ADAMTS17: variants seen among roughly 807,000 people sequenced by gnomAD.
ADAMTS17 encodes the protein ADAM metallopeptidase with thrombospondin type 1 motif 17.
A neutral mutation model predicts 141.5 loss-of-function variants in ADAMTS17; 113 were observed. That is an observed-to-expected ratio of 0.80 (90% CI 0.69 to 0.93). The LOEUF is 0.93. ADAMTS17 is among the 40% of genes least tolerant of loss of function. ADAMTS17 has a pLI of 0.00. For missense variants in ADAMTS17, 1,659 were observed against 1,517.9 expected, an observed-to-expected ratio of 1.09 and a Z score of -1.54; for synonymous variants, 768 against 630.6, an observed-to-expected ratio of 1.22 and a Z score of -3.27.
intron 7 of ADAMTS17, among the ~76,000 whole-genome samples, chr15:100,206,391 G>A (rs2041563135): frequency 6.6e-6 from 1 of 152,168 alleles, no homozygotes; most frequent in Non-Finnish European, 1.5e-5. Flanking sequence ...GCAGCATGAG[G>A]GTGATGCCCA....
chr15:100,145,612 C>T (rs920135184), intron 10 of ADAMTS17, among the ~76,000 whole-genome samples: 2 of 152,114 alleles, frequency 1.3e-5, no homozygotes, highest in African/African-American at 4.8e-5. Flanking sequence ...CTCACGAAGA[C>T]ACACATCTAA....
At chr15:100,270,051 A>G (rs2043850703) in intron 4 of ADAMTS17, among the ~76,000 whole-genome samples, 1 of 152,104 alleles carries the variant, frequency 6.6e-6, no homozygotes, top group African/African-American at 2.4e-5. Flanking sequence ...TTTCTCTGGG[A>G]CCTCTTCCAG....
chr15:100,241,771 C>T (rs78449403), intron 7 of ADAMTS17, among the ~76,000 whole-genome samples: 6,800 of 152,244 alleles, frequency 0.045, 337 homozygotes, highest in African/African-American at 0.11. Context: ...CAGTTCTTGT[C>T]TAACCATGAC....
chr15:100,186,509 T>C (rs1291563722), intron 8 of ADAMTS17, among the ~76,000 whole-genome samples: 1 of 152,198 alleles, frequency 6.6e-6, no homozygotes, highest in Non-Finnish European at 1.5e-5. Context: ...CTTGGCGCCA[T>C]CTCAATGTCT....
chr15:100,001,098 G>A (rs1256054558), intron 18 of ADAMTS17, among the ~76,000 whole-genome samples: 1 of 152,114 alleles, frequency 6.6e-6, no homozygotes, highest in Non-Finnish European at 1.5e-5. Flanking sequence ...AATATTCAGC[G>A]GGGCAGACAT....
intron 7 of ADAMTS17, among the ~76,000 whole-genome samples, chr15:100,206,280 C>G (rs12915639): frequency 0.19 from 29,285 of 152,246 alleles, 3,678 homozygotes; most frequent in Middle Eastern, 0.29. Context: ...ATGGCTGCAC[C>G]TCAGCAGCAC....
intron 20 of ADAMTS17, among the ~76,000 whole-genome samples, chr15:99,982,164 G>C (rs2060493803): frequency 6.6e-6 from 1 of 152,246 alleles, no homozygotes; most frequent in African/African-American, 2.4e-5. Flanking sequence ...GTCTCAGATA[G>C]AGTGGAGCTC....
chr15:100,211,070 A>G (rs1292629772), intron 7 of ADAMTS17, among the ~76,000 whole-genome samples: 1 of 151,662 alleles, frequency 6.6e-6, no homozygotes, highest in Non-Finnish European at 1.5e-5. Context: ...ACTGCACTCC[A>G]GCCTGGGTGA....
rs201219446 is a variant in ADAMTS17 at position 100,116,838 on chromosome 15, T to G, written c.1888+9A>C. On this transcript the variant is annotated intron_variant, in intron 13 of 21. Coordinates refer to ENST00000268070, the MANE Select transcript of ADAMTS17 (RefSeq NM_139057.4). ...GGCTGCCATGCAAGGACATGCCATA[T>G]GCCTTTACCGTCAACCACCACGGCT... is the stretch of plus-strand genomic sequence containing the variant. The G allele has an allele frequency of 2.5e-6, 4 of 1,613,974 alleles. No homozygotes were observed. In the East Asian group the frequency reaches 6.7e-5, roughly 27 times the overall value.
intron 15 of ADAMTS17, among the ~76,000 whole-genome samples, chr15:100,074,767 A>G (rs2034248711): frequency 6.6e-6 from 1 of 152,102 alleles, no homozygotes. Flanking sequence ...ATAATAACTT[A>G]TCTGTGTTGA....
At chr15:100,279,770 T>TTC (rs1313611987) in intron 4 of ADAMTS17, among the ~76,000 whole-genome samples, 2 of 152,174 alleles carry the variant, frequency 1.3e-5, no homozygotes, top group East Asian at 3.9e-4. Flanking sequence ...CTGACTAGGC[T>TTC]TCTCTCTCCT....
At chr15:100,178,146 A>C (rs560560073) in intron 8 of ADAMTS17, among the ~76,000 whole-genome samples, 1 of 152,276 alleles carries the variant, frequency 6.6e-6, no homozygotes, top group South Asian at 2.1e-4. Flanking sequence ...TTTTAGCTGA[A>C]GTATTTTTTT....
At chr15:100,115,176 C>G (rs899408013) in intron 13 of ADAMTS17, among the ~76,000 whole-genome samples, 3 of 152,324 alleles carry the variant, frequency 2.0e-5, no homozygotes, top group Admixed American at 1.3e-4. Flanking sequence ...CAAATGGCAG[C>G]TCTCTCGCTT....
chr15:100,078,045 C>G (rs1228742282), intron 15 of ADAMTS17, among the ~76,000 whole-genome samples: 3 of 151,834 alleles, frequency 2.0e-5, no homozygotes, highest in Non-Finnish European at 4.4e-5. Context: ...AAAAAAAGAC[C>G]TGGAGGGTTT....
chr15:100,308,222 C>T (rs193125039), intron 3 of ADAMTS17, among the ~76,000 whole-genome samples: 10 of 152,336 alleles, frequency 6.6e-5, no homozygotes, highest in Admixed American at 3.3e-4. Flanking sequence ...AAGGCTTGAT[C>T]GTCCAGCCTT....
chr15:100,004,916 C>G (rs2061009301), intron 18 of ADAMTS17, among the ~76,000 whole-genome samples: 2 of 152,036 alleles, frequency 1.3e-5, no homozygotes, highest in African/African-American at 4.8e-5. Context: ...CAACCACACC[C>G]CGCTCATTTT....
chr15:100,091,239 C>G (rs1291919705), intron 15 of ADAMTS17, among the ~76,000 whole-genome samples: 1 of 151,880 alleles, frequency 6.6e-6, no homozygotes, highest in Non-Finnish European at 1.5e-5. Context: ...CCAGATACCC[C>G]CGATGTGGAT....
In ADAMTS17 at chr15:100,266,331, C is replaced by A. The variant is rs531573215; in HGVS notation, c.790-3896G>T. 9.2e-5 allele frequency among the ~76,000 whole-genome samples: 14 copies of A among 152,336 alleles called. No individual in the cohort carries two copies. In the South Asian group the frequency reaches 2.5e-3, roughly 27 times the overall value. On this transcript the variant is annotated intron_variant, in intron 4 of 21. Transcript: ENST00000268070. ...AACCAGCACAGCACATCTGGAAAAC[C>A]CACAACTGCAGGGCCAGAGTGCTGC...
chr15:100,337,644 C>T (rs999106384), intron 2 of ADAMTS17, among the ~76,000 whole-genome samples: 1 of 152,258 alleles, frequency 6.6e-6, no homozygotes, highest in Non-Finnish European at 1.5e-5. Flanking sequence ...GGACACATTC[C>T]AGTGGGTGGC....
Sources: gnomAD v4.1 joint callset for allele counts (sites outside exome capture counted in the v4.1 genomes callset) on GRCh38, gnomAD v4.1.1 for gene constraint, MANE v1.5 for transcripts, NCBI Gene and HGNC (gene_info 2026-07-23, HGNC 2026-07-21) for gene names.